Variants in PLD5 observed in about 807,000 individuals in gnomAD.
PLD5 encodes the protein phospholipase D family member 5.
PLD5 carries 36 observed loss-of-function variants against 61.1 expected under a neutral mutation model. The observed-to-expected ratio is 0.59, with a 90% CI of 0.45 to 0.78. The LOEUF is 0.78. Ranked by LOEUF, PLD5 falls within the 30% of genes least tolerant of loss-of-function variation. The pLI, the probability that PLD5 is intolerant of heterozygous loss-of-function variation, is 0.00. For missense variants in PLD5, 515 were observed against 644.4 expected (o/e 0.80, Z 2.17); for synonymous variants, 243 against 242.8 (o/e 1.00, Z -0.01).
At chr1:242,169,765 G>A (rs2148872431) in intron 5 of PLD5, among the ~76,000 whole-genome samples, 1 of 152,296 alleles carries the variant, frequency 6.6e-6, no homozygotes, top group South Asian at 2.1e-4. Flanking sequence ...GTCCACCATT[G>A]CTGAGGCTTG....
intron 5 of PLD5, among the ~76,000 whole-genome samples, chr1:242,199,883 C>T (rs183204360): frequency 4.4e-4 from 67 of 152,234 alleles, no homozygotes; most frequent in Non-Finnish European, 7.2e-4. Context: ...TATTTCATCA[C>T]GTATAAATAC....
chr1:242,313,466 T>C (rs1676824813), intron 2 of PLD5, among the ~76,000 whole-genome samples: 2 of 152,270 alleles, frequency 1.3e-5, no homozygotes, highest in South Asian at 2.1e-4. Flanking sequence ...TAAGGTCTAA[T>C]GAAGTTTTTA....
At chr1:242,317,094 G>A (rs1187585368) in intron 2 of PLD5, among the ~76,000 whole-genome samples, 1 of 150,594 alleles carries the variant, frequency 6.6e-6, no homozygotes, top group Non-Finnish European at 1.5e-5. Context: ...TGCAACCTCT[G>A]CCTCCTGGGT....
At chr1:242,313,558 T>A (rs1676830443) in intron 2 of PLD5, among the ~76,000 whole-genome samples, 1 of 152,244 alleles carries the variant, frequency 6.6e-6, no homozygotes, top group Admixed American at 6.5e-5. Flanking sequence ...AATGTGAATA[T>A]ACTCATGCTT....
chr1:242,425,877 T>C (rs1316960718), intron 1 of PLD5, among the ~76,000 whole-genome samples: 1 of 152,060 alleles, frequency 6.6e-6, no homozygotes, highest in Non-Finnish European at 1.5e-5. Context: ...TCTCCTGACC[T>C]TGTGATCGGC....
Position 242,123,496 on chromosome 1 carries a change from G to A in PLD5, c.933+972C>T, listed in dbSNP as rs180972490. Among the ~76,000 whole-genome samples the A allele has an allele frequency of 8.6e-5, 13 of 152,022 alleles. No individual in the cohort carries two copies. The East Asian group carries it at 1.5e-3, about 18-fold the overall frequency. ...CACACTCACACACACATTCACACTC[G>A]CTTACACTGGGACCACTCACACACA... On this transcript the variant is annotated intron_variant, in intron 6 of 9. Transcript: ENST00000536534.
intron 4 of PLD5, among the ~76,000 whole-genome samples, chr1:242,254,839 A>G (rs316921): frequency 0.66 from 100,988 of 152,088 alleles, 34,536 homozygotes; most frequent in Non-Finnish European, 0.75. Context: ...TAAAAAGCAT[A>G]ATGTGGCCAA....
At chr1:242,227,282 T>C (rs186319122) in intron 4 of PLD5, among the ~76,000 whole-genome samples, 73 of 152,220 alleles carry the variant, frequency 4.8e-4, no homozygotes, top group Non-Finnish European at 8.8e-5. Context: ...ACTCCTGGGT[T>C]AAAGCGATCC....
At chr1:242,196,868 T>C (rs1668666603) in intron 5 of PLD5, among the ~76,000 whole-genome samples, 2 of 152,184 alleles carry the variant, frequency 1.3e-5, no homozygotes, top group African/African-American at 4.8e-5. Flanking sequence ...CACATCTGTG[T>C]GCTCCTACAT....
At chr1:242,129,410 T>C (rs1663058186) in intron 5 of PLD5, among the ~76,000 whole-genome samples, 1 of 152,202 alleles carries the variant, frequency 6.6e-6, no homozygotes, top group South Asian at 2.1e-4. Flanking sequence ...TACGTATTAG[T>C]TCAGGCTGCT....
intron 1 of PLD5, chr1:242,449,380 C>T (rs1666689043): frequency 1.3e-6 from 2 of 1,536,136 alleles, no homozygotes; most frequent in Non-Finnish European, 1.7e-6. Context: ...CCTTCCCTCC[C>T]TGCGGAGTCC....
chr1:242,421,053 G>A (rs1396090422), intron 1 of PLD5, among the ~76,000 whole-genome samples: 1 of 151,398 alleles, frequency 6.6e-6, no homozygotes, highest in Admixed American at 6.6e-5. Context: ...GGTGGCACGC[G>A]CCTGTAGTCC....
At position 242,085,280 on chromosome 1, in the gene PLD5, A is replaced by C. The variant is rs1035966565; in HGVS notation, c.*4574T>G. Reference sequence around the variant, plus strand: ...CAAAAGAAGCGTTAATGACCAGTGAAGTTTTAGAACCTTGTAAATACAAGA... The same window carrying C: ...CAAAAGAAGCGTTAATGACCAGTGACGTTTTAGAACCTTGTAAATACAAGA... On this transcript the variant is annotated 3_prime_UTR_variant, in exon 10 of 10. Transcript: ENST00000536534. The C allele has an allele frequency of 2.6e-5, 4 of 152,162 alleles. No homozygotes were observed. The highest frequency in any genetic ancestry group is 9.7e-5 in the African/African-American group (4 of 41,442). 9.4% of individuals were successfully genotyped at this position (152,162 alleles called of 1,614,324 possible).
chr1:242,489,503 G>C (rs1393137396), intron 1 of PLD5, among the ~76,000 whole-genome samples: 1 of 152,020 alleles, frequency 6.6e-6, no homozygotes, highest in African/African-American at 2.4e-5. Flanking sequence ...AGCGAAAGAG[G>C]ATGAGCTATA....
chr1:242,238,630 G>A (rs1671797142), intron 4 of PLD5, among the ~76,000 whole-genome samples: 1 of 152,344 alleles, frequency 6.6e-6, no homozygotes, highest in East Asian at 1.9e-4. Flanking sequence ...TATTTTGTGT[G>A]TAAGAAACTA....
intron 4 of PLD5, among the ~76,000 whole-genome samples, chr1:242,261,480 A>G (rs1371333523): frequency 6.6e-6 from 1 of 152,176 alleles, no homozygotes. Context: ...AGCATCAACA[A>G]TAAGGGAGTA....
At position 242,101,702 on chromosome 1, in the gene PLD5, G is replaced by C. The variant is rs1660705206; in HGVS notation, c.1240-920C>G. ...AAATGGCATGATACCTAGAAAAGGA[G>C]ATGTCATTTACAGTTTTAAAACTGT... On this transcript the variant is annotated intron_variant, in intron 8 of 9. Coordinates refer to ENST00000536534, the MANE Select transcript of PLD5 (RefSeq NM_001372062.1). Among the ~76,000 whole-genome samples, 6 of 152,318 alleles carry C rather than the reference G, an allele frequency of 3.9e-5. No individual in the cohort carries two copies. The South Asian group carries it at 1.2e-3, about 32-fold the overall frequency.
In PLD5 at chr1:242,158,264, G is replaced by T. The variant is rs151212576; in HGVS notation, c.736-33599C>A. Among the ~76,000 whole-genome samples, 48 of 152,232 alleles carry T rather than the reference G, an allele frequency of 3.2e-4. No homozygotes were observed. In the East Asian group the frequency reaches 8.1e-3, roughly 26 times the overall value. ...GCTGGGTTTTGTTGGTGTGGGACCC[G>T]CTGAACCAGACCACTTGGCTCCCTG... On this transcript the variant is annotated intron_variant, in intron 5 of 9. Transcript: ENST00000536534.
intron 3 of PLD5, among the ~76,000 whole-genome samples, chr1:242,278,651 A>G (rs1674546768): frequency 6.6e-6 from 1 of 152,172 alleles, no homozygotes; most frequent in Non-Finnish European, 1.5e-5. Flanking sequence ...GTGTTGTTCT[A>G]CTATGCTGTA....
Sources: gnomAD v4.1 joint callset for allele counts (sites outside exome capture counted in the v4.1 genomes callset) on GRCh38, gnomAD v4.1.1 for gene constraint, MANE v1.5 for transcripts, NCBI Gene and HGNC (gene_info 2026-07-23, HGNC 2026-07-21) for gene names.